EXOC5: variants seen among roughly 807,000 people sequenced by gnomAD.
EXOC5 encodes SEC10-like 1.
Under a neutral mutation model 90.8 loss-of-function variants are expected in EXOC5, and 17 were observed. The ratio of observed to expected loss-of-function variants is 0.19; its 90% confidence interval spans 0.13 to 0.28. EXOC5 has a LOEUF of 0.28. Among genes scored for constraint, EXOC5 ranks in the 10% least tolerant of loss-of-function variants. The pLI is 1.00. For synonymous variants in EXOC5, 260 were observed against 270.0 expected, an observed-to-expected ratio of 0.96 and a Z score of 0.36; for missense variants, 569 against 830.6, an observed-to-expected ratio of 0.69 and a Z score of 3.87.
At chr14:57,211,756 C>G (rs971819482) in intron 15 of EXOC5, 2 of 152,200 alleles carry the variant, frequency 1.3e-5, no homozygotes, top group African/African-American at 4.8e-5. Flanking sequence ...GCCAGTAGTC[C>G]CAGCTACTCA....
At chr14:57,246,489 C>G (rs2139653881) in intron 3 of EXOC5, among the ~76,000 whole-genome samples, 1 of 152,226 alleles carries the variant, frequency 6.6e-6, no homozygotes, top group African/African-American at 2.4e-5. Flanking sequence ...CCACTCTATC[C>G]TAAGAAGAGT....
chr14:57,232,693 G>A lies in EXOC5; in HGVS notation c.912C>T (p.Leu304=). The A allele has an allele frequency of 6.6e-7, 1 of 1,506,812 alleles. No homozygotes were observed. The highest frequency in any genetic ancestry group is 2.3e-5 in the East Asian group (1 of 42,996). 93.3% of individuals were successfully genotyped at this position (1,506,812 alleles called of 1,614,324 possible). A position where few individuals can be genotyped will look rare whatever the true frequency, so the allele number is the denominator to read the frequency against. Residue 304 remains leucine, a synonymous_variant, in exon 10 of 18, where the codon CTC becomes CTT. Coordinates refer to ENST00000621441, the MANE Select transcript of EXOC5 (RefSeq NM_006544.4). The part of the protein sequence containing the change: ...ECRKSDAEQY[L]KNLYDLYTRT... ...TTGTATACAGATCATAGAGATTTTT[G>A]AGATATTGCTCTGCATCGGACTTCC...
chr14:57,233,836 A>C lies in EXOC5; in HGVS notation c.762T>G (p.Cys254Trp), dbSNP rs1364740363. Residue 254 changes from cysteine to tryptophan, a missense_variant, in exon 9 of 18, where the codon TGT becomes TGG. Cys to Trp is a radical substitution (Grantham distance 215, BLOSUM62 -2). Transcript: ENST00000621441. ...CTCCAACTTGTTTGTTCACTCTTTG[A>C]CAGAGTATTCCAGCGTCTTCAAATA... ...NDIFEDAGIL[C>W]QRVNKQVGDI... The C allele has an allele frequency of 1.2e-6, 2 of 1,610,044 alleles. No homozygotes were observed. Among genetic ancestry groups the C allele is most frequent in the Non-Finnish European group, 8.5e-7 (1 of 1,176,548 alleles).
At chr14:57,250,939 C>T (rs1429676878) in intron 1 of EXOC5, among the ~76,000 whole-genome samples, 1 of 152,158 alleles carries the variant, frequency 6.6e-6, no homozygotes, top group African/African-American at 2.4e-5. Context: ...TTCAACTCTG[C>T]CACTGTGGTG....
At chr14:57,227,294 CAT>C (rs1220947070) in intron 12 of EXOC5, among the ~76,000 whole-genome samples, 2 of 152,026 alleles carry the variant, frequency 1.3e-5, no homozygotes, top group African/African-American at 4.8e-5. Flanking sequence ...AAAAAAAAAC[CAT>C]ATGATTCAGT....
At position 57,233,725 on chromosome 14, in the gene EXOC5, GTTAC is replaced by G. The variant is rs748631214; in HGVS notation, c.855+14_855+17del. On this transcript the variant is annotated intron_variant, in intron 9 of 17. Coordinates refer to ENST00000621441, the MANE Select transcript of EXOC5 (RefSeq NM_006544.4). The stretch of plus-strand genomic sequence containing the variant: ...TATTGCTTTAAGAACTATTTAATTT[GTTAC>G]TATTTAAAATTACCTGTAGTTTGAT... 7.7e-6 allele frequency: 11 copies of G among 1,420,904 alleles called. No homozygotes were observed. The highest frequency in any genetic ancestry group is 1.4e-5 in the African/African-American group (1 of 70,472). The allele number at this position is 1,420,904 out of a possible 1,614,324, so 88.0% of individuals were successfully genotyped here. A position where few individuals can be genotyped will look rare whatever the true frequency, so the allele number is the denominator to read the frequency against.
chr14:57,233,702 T>C (rs1193334527), intron 9 of EXOC5, 41 bp downstream of exon 9: 4 of 1,224,476 alleles, frequency 3.3e-6, no homozygotes, highest in South Asian at 1.4e-5. Context: ...AAATTACATA[T>C]TGCTTTAAGA....
At chr14:57,232,980 TAA>T in intron 9 of EXOC5, 1 of 349,860 alleles carries the variant, frequency 2.9e-6, no homozygotes, top group Non-Finnish European at 5.1e-6. Flanking sequence ...GTCTTAGGAA[TAA>T]TACCTTTTCT....
rs200557755 is a variant in EXOC5, at chr14:57,236,025, CA to C, written c.560-206del. Among the ~76,000 whole-genome samples, 108 of 152,214 alleles carry C rather than the reference CA, an allele frequency of 7.1e-4. 2 individuals are homozygous for C. The East Asian group carries it at 0.017, about 23-fold the overall frequency. On this transcript the variant is annotated intron_variant, in intron 6 of 17. Transcript: ENST00000621441. ...CTATATTTTCAAGACAAAAAACTTC[CA>C]AACTGGCAAAATTACTGAGCTTTCC...
At chr14:57,261,307 A>G (rs1225760743) in intron 1 of EXOC5, among the ~76,000 whole-genome samples, 1 of 152,202 alleles carries the variant, frequency 6.6e-6, no homozygotes, top group African/African-American at 2.4e-5. Context: ...TCAACTATCT[A>G]ATTTCCTGGG....
At chr14:57,221,673 G>A (rs1235006882) in intron 13 of EXOC5, among the ~76,000 whole-genome samples, 1 of 152,152 alleles carries the variant, frequency 6.6e-6, no homozygotes, top group African/African-American at 2.4e-5. Flanking sequence ...GTGGGAAATG[G>A]TAATGCCTTT....
Position 57,231,010 on chromosome 14 carries a change from C to CTT in EXOC5, c.1148+494_1148+495dup, listed in dbSNP as rs758234288. ...TTTTAATTGACAAATATCTACTTTA[C>CTT]TTTTTTTTTTTTTTTTGACACGGAG... On this transcript the variant is annotated intron_variant, in intron 11 of 17. Transcript: ENST00000621441. Among the ~76,000 whole-genome samples, 11 of 138,014 alleles carry CTT rather than the reference C, an allele frequency of 8.0e-5. No individual in the cohort carries two copies. The East Asian group carries it at 1.0e-3, about 13-fold the overall frequency. The allele number at this position is 138,014 out of a possible 152,430, so 90.5% of individuals were successfully genotyped here.
chr14:57,208,560 A>T lies in EXOC5; in HGVS notation c.*49T>A. 1.4e-6 allele frequency: 2 copies of T among 1,408,504 alleles called. No individual in the cohort carries two copies. Among genetic ancestry groups the T allele is most frequent in the African/African-American group, 1.4e-5 (1 of 71,306 alleles). 87.3% of individuals were successfully genotyped at this position (1,408,504 alleles called of 1,614,324 possible). A position where few individuals can be genotyped will look rare whatever the true frequency, so the allele number is the denominator to read the frequency against. On this transcript the variant is annotated 3_prime_UTR_variant, in exon 18 of 18. Transcript: ENST00000621441. ...CAACCGAGGGCTGCTGAAGTATAAG[A>T]CATTCCTCTGTAAAGGAACTGACAC...
At chr14:57,262,716 TGTGTGTGTATATATAC>T (rs1407585006) in intron 1 of EXOC5, among the ~76,000 whole-genome samples, 1 of 148,512 alleles carries the variant, frequency 6.7e-6, no homozygotes, top group East Asian at 1.9e-4. Context: ...TGTATATATA[TGTGTGTGTATATATAC>T]GTATATATGT....
At chr14:57,253,894 C>G (rs1267358960) in intron 1 of EXOC5, among the ~76,000 whole-genome samples, 1 of 152,080 alleles carries the variant, frequency 6.6e-6, no homozygotes, top group Non-Finnish European at 1.5e-5. Flanking sequence ...CTATAAAACC[C>G]TTAGAAGAAA....
chr14:57,239,747 C>A, intron 4 of EXOC5, 88 bp from the exon 5 acceptor site: 2 of 745,690 alleles, frequency 2.7e-6, no homozygotes, highest in South Asian at 1.9e-5. Context: ...TAATATCTCC[C>A]TGCATGTGCC....
intron 12 of EXOC5, among the ~76,000 whole-genome samples, chr14:57,222,680 C>T (rs1290903759): frequency 6.6e-6 from 1 of 150,880 alleles, no homozygotes; most frequent in Non-Finnish European, 1.5e-5. Context: ...AGTATACTTT[C>T]ATAAAATGTA....
At chr14:57,232,184 CTT>C (rs914763358) in intron 10 of EXOC5, 1 of 154,064 alleles carries the variant, frequency 6.5e-6, no homozygotes, top group Admixed American at 6.5e-5. Flanking sequence ...ATTACGGTAA[CTT>C]TGGAAAAACC....
intron 4 of EXOC5, among the ~76,000 whole-genome samples, chr14:57,241,502 T>C (rs888108181): frequency 6.6e-6 from 1 of 152,214 alleles, no homozygotes; most frequent in Admixed American, 6.5e-5. Context: ...GGAGTTTTTG[T>C]TCTTTTAAGA....
Sources: allele counts gnomAD v4.1 joint callset (sites outside exome capture counted in the v4.1 genomes callset), GRCh38; gene constraint gnomAD v4.1.1; transcripts MANE v1.5; gene names NCBI Gene and HGNC (gene_info 2026-07-23, HGNC 2026-07-21).